The following SLC5A10 variants were observed in gnomAD, a reference collection of about 807,000 sequenced individuals.
SLC5A10 encodes the protein solute carrier family 5 member 10, also known as sodium/mannose cotransporter SLC5A10.
In SLC5A10, 55 loss-of-function variants were observed where a neutral mutation model predicts 68.9. The observed-to-expected ratio is 0.80, with a 90% confidence interval of 0.64 to 1.00. The LOEUF (loss-of-function observed/expected upper bound fraction) is 1.00. Ranked by LOEUF, SLC5A10 falls within the 50% of genes least tolerant of loss-of-function variation. SLC5A10 has a pLI of 0.00. For synonymous variants in SLC5A10, 344 were observed against 344.8 expected, an observed-to-expected ratio of 1.00 and a Z score of 0.02; for missense variants, 732 against 819.3, an observed-to-expected ratio of 0.89 and a Z score of 1.30.
intron 11 of SLC5A10, 79 bp downstream of exon 11, chr17:19,015,278 G>A (rs1424476930): frequency 7.6e-6 from 8 of 1,051,936 alleles, no homozygotes; most frequent in Middle Eastern, 3.2e-4. Context: ...GGGATGAGCC[G>A]GAGTTTGCCA....
chr17:18,960,921 C>T (rs1431992730), intron 5 of SLC5A10, among the ~76,000 whole-genome samples: 2 of 152,164 alleles, frequency 1.3e-5, no homozygotes, highest in Non-Finnish European at 2.9e-5. Context: ...GTTCTAGACA[C>T]AGGGTGTTAG....
intron 8 of SLC5A10, among the ~76,000 whole-genome samples, chr17:18,973,933 C>T (rs1312595102): frequency 7.1e-6 from 1 of 141,338 alleles, no homozygotes; most frequent in Non-Finnish European, 1.5e-5. Context: ...TGTTCTGTCA[C>T]CCAGGCTGGA....
At chr17:18,958,643 T>G (rs2042551064) in intron 1 of SLC5A10, 39 bp from the exon 2 acceptor site, 1 of 1,599,720 alleles carries the variant, frequency 6.3e-7, no homozygotes, top group South Asian at 1.1e-5. Context: ...AGCAGCAGTG[T>G]GCGGGCTTCC....
In SLC5A10 at chr17:18,986,714, C is replaced by T. The variant is rs191234684; in HGVS notation, c.982+9725C>T. Among the ~76,000 whole-genome samples the T allele has an allele frequency of 1.6e-3, 246 of 152,344 alleles. 2 individuals carry two copies. The highest frequency in any genetic ancestry group is 1.2e-3 in the Non-Finnish European group (81 of 68,032). On this transcript the variant is annotated intron_variant, in intron 9 of 14. Transcript: ENST00000395645. Reference sequence around the variant, plus strand: ...CCAGGTTAGGGTCCCTGCTCCAAACCGACAGGCTTGCTCCCTGCTTGCGTC... The same window carrying T: ...CCAGGTTAGGGTCCCTGCTCCAAACTGACAGGCTTGCTCCCTGCTTGCGTC...
At position 18,971,410 on chromosome 17, in the gene SLC5A10, T is replaced by C; in HGVS notation, c.846+192T>C. ...CTTGAGCCCTCCGTTTAGAATCCGA[T>C]GAGGCCCACTGGCTACCGCCCGTCC... On this transcript the variant is annotated intron_variant, in intron 8 of 14. Transcript: ENST00000395645. The surrounding 1 kb of genome is among the most constrained non-coding windows in gnomAD (Gnocchi z 5.5). 6.2e-7 allele frequency: 1 copy of C among 1,613,854 alleles called. No homozygotes were observed.
rs766856783 is a variant in SLC5A10 at position 19,015,159 on chromosome 17, C to T, written c.1201C>T (p.Arg401Cys). The stretch of plus-strand genomic sequence containing the variant: ...CACTATGGACATCTGGAGGCGGCTG[C>T]GTCCCCGCTCCGGCGAGCGGGAGCT... ...LFTMDIWRRL[R>C]PRSGERELLL... Residue 401 changes from arginine to cysteine, a missense_variant, in exon 11 of 15, where the codon CGT (arginine) becomes TGT (cysteine). By Grantham distance (180) the Arg-to-Cys change is radical. Transcript: ENST00000395645. 5.0e-6 allele frequency: 7 copies of T among 1,387,118 alleles called. No individual in the cohort carries two copies. The highest frequency in any genetic ancestry group is 4.5e-5 in the South Asian group (4 of 88,172). 85.9% of individuals were successfully genotyped at this position (1,387,118 alleles called of 1,614,324 possible).
chr17:18,990,961 G>C (rs190047485), intron 9 of SLC5A10, among the ~76,000 whole-genome samples: 4 of 152,214 alleles, frequency 2.6e-5, no homozygotes, highest in Non-Finnish European at 4.4e-5. Context: ...CCCACCCAGA[G>C]CACCTTCTGC....
intron 5 of SLC5A10, among the ~76,000 whole-genome samples, chr17:18,961,110 C>T (rs1026838595): frequency 2.6e-5 from 4 of 152,178 alleles, no homozygotes; most frequent in Non-Finnish European, 5.9e-5. Flanking sequence ...GGGGCCTGGC[C>T]CTGCCCCCAC....
chr17:19,005,045 A>T (rs1361757861), intron 9 of SLC5A10, among the ~76,000 whole-genome samples: 3 of 152,174 alleles, frequency 2.0e-5, no homozygotes, highest in Non-Finnish European at 4.4e-5. Context: ...CTGTGCCCCC[A>T]GGGTCTGTTG....
intron 9 of SLC5A10, among the ~76,000 whole-genome samples, chr17:18,980,415 A>G (rs961669752): frequency 6.6e-6 from 1 of 152,108 alleles, no homozygotes; most frequent in Non-Finnish European, 1.5e-5. Context: ...GCTGAGACCC[A>G]AGGAGAAGAG....
chr17:18,972,827 C>G (rs1335599183), intron 8 of SLC5A10, among the ~76,000 whole-genome samples: 1 of 151,468 alleles, frequency 6.6e-6, no homozygotes, highest in African/African-American at 2.4e-5. Flanking sequence ...CGAGATTGTG[C>G]CACTGCACTC....
intron 8 of SLC5A10, among the ~76,000 whole-genome samples, chr17:18,974,993 T>A (rs2042943936): frequency 6.6e-6 from 1 of 152,188 alleles, no homozygotes; most frequent in Non-Finnish European, 1.5e-5. Flanking sequence ...TCACAGCTCA[T>A]GGAAACTCTG....
intron 9 of SLC5A10, among the ~76,000 whole-genome samples, chr17:19,011,640 G>A (rs1012852044): frequency 2.0e-5 from 3 of 151,996 alleles, no homozygotes; most frequent in African/African-American, 2.4e-5. Flanking sequence ...GGCCCCAGAC[G>A]GGAGGGGGAA....
intron 9 of SLC5A10, among the ~76,000 whole-genome samples, chr17:18,980,531 TC>T (rs1327879524): frequency 2.6e-5 from 4 of 152,130 alleles, no homozygotes; most frequent in Non-Finnish European, 5.9e-5. Flanking sequence ...GGGCCCTCTG[TC>T]CCAGTGTGGA....
At chr17:18,952,083 G>T, upstream of SLC5A10, 2 of 1,453,402 alleles carry the variant, frequency 1.4e-6, no homozygotes, top group Non-Finnish European at 1.8e-6. Context: ...CCACATCATG[G>T]GCTGGAGATG....
chr17:18,962,098 C>G lies in SLC5A10; in HGVS notation c.453+1446C>G, dbSNP rs535345805. Among the ~76,000 whole-genome samples the G allele has an allele frequency of 4.6e-5, 7 of 152,174 alleles. No homozygotes were observed. The South Asian group carries it at 1.5e-3, about 32-fold the overall frequency. ...CCACATTTCTTGATCTCCACCCCACCCCCATGCCAGCCACCCCCATGCCAG... is the reference window on the plus strand; with the variant it reads ...CCACATTTCTTGATCTCCACCCCACGCCCATGCCAGCCACCCCCATGCCAG... On this transcript the variant is annotated intron_variant, in intron 5 of 14. Transcript: ENST00000395645.
Position 19,022,366 on chromosome 17 carries a change from C to A in SLC5A10, c.*1935C>A, listed in dbSNP as rs1345830728. 2.5e-6 allele frequency: 1 copy of A among 403,624 alleles called. No homozygotes were observed. Among genetic ancestry groups the A allele is most frequent in the Admixed American group, 4.4e-5 (1 of 22,628 alleles). 25.0% of individuals were successfully genotyped at this position (403,624 alleles called of 1,614,324 possible). ...GCAGATGCTGCATCTACATAGAACA[C>A]GGCTTTCCCAGCCGCCCAGCTGGGA... On this transcript the variant is annotated 3_prime_UTR_variant, in exon 15 of 15. Coordinates refer to ENST00000395645, the MANE Select transcript of SLC5A10 (RefSeq NM_001042450.4).
At chr17:18,998,035 C>A (rs1020919289) in intron 9 of SLC5A10, among the ~76,000 whole-genome samples, 3 of 152,248 alleles carry the variant, frequency 2.0e-5, no homozygotes, top group Non-Finnish European at 4.4e-5. Flanking sequence ...GGGGCTCATG[C>A]CTGGGTCCCA....
chr17:18,979,407 G>T, intron 9 of SLC5A10: 1 of 977,084 alleles, frequency 1.0e-6, no homozygotes, highest in Non-Finnish European at 1.5e-6. Context: ...CAGACAGGCG[G>T]GCAGATGTGC....
Sources: gnomAD v4.1 joint callset for allele counts (sites outside exome capture counted in the v4.1 genomes callset) on GRCh38, gnomAD v4.1.1 for gene constraint, Gnocchi (gnomAD v3.1) non-coding constraint, MANE v1.5 for transcripts, NCBI Gene and HGNC (gene_info 2026-07-23, HGNC 2026-07-21) for gene names.